The following EVA1C variants were observed in gnomAD, a reference collection of about 807,000 sequenced individuals.
EVA1C encodes eva-1 homolog C, also known as protein eva-1 homolog C.
Under a neutral mutation model 45.4 loss-of-function variants are expected in EVA1C, and 25 were observed. The ratio of observed to expected loss-of-function variants is 0.55; its 90% CI spans 0.40 to 0.77. The LOEUF (loss-of-function observed/expected upper bound fraction) is 0.77. EVA1C is among the 30% of genes least tolerant of loss of function. EVA1C has a pLI of 0.00. For synonymous variants in EVA1C, 190 were observed against 221.2 expected, an observed-to-expected ratio of 0.86 and a Z score of 1.25; for missense variants, 479 against 554.8, an observed-to-expected ratio of 0.86 and a Z score of 1.37.
At chr21:32,491,425 A>C (rs1406634161) in intron 4 of EVA1C, among the ~76,000 whole-genome samples, 1 of 151,944 alleles carries the variant, frequency 6.6e-6, no homozygotes, top group East Asian at 1.9e-4. Context: ...ACGGTGGCTC[A>C]CGCCTGTAAT....
chr21:32,424,497 T>C (rs1027833249), intron 1 of EVA1C, among the ~76,000 whole-genome samples: 3 of 152,266 alleles, frequency 2.0e-5, no homozygotes, highest in Admixed American at 6.5e-5. Flanking sequence ...AGTTCAGGCT[T>C]ACATGCCTCC....
At chr21:32,446,746 G>A (rs2035376778) in intron 1 of EVA1C, among the ~76,000 whole-genome samples, 1 of 152,144 alleles carries the variant, frequency 6.6e-6, no homozygotes, top group Non-Finnish European at 1.5e-5. Context: ...GAGACGCCTG[G>A]TCCACAGGGC....
rs568039418 is a variant in EVA1C, at chr21:32,470,271, CA to C, written c.634+2430del. Among the ~76,000 whole-genome samples, 47 of 152,190 alleles carry C rather than the reference CA, an allele frequency of 3.1e-4. 2 individuals are homozygous for C. The highest frequency in any genetic ancestry group is 9.4e-4 in the African/African-American group (39 of 41,544). ...AACTCAGGTGAGTCTCAAGAGAAAA[CA>C]AAAAAAGCCATTTGGAACACGTGCC... On this transcript the variant is annotated intron_variant, in intron 4 of 7. Transcript: ENST00000300255.
chr21:32,466,379 A>C (rs2036173908), intron 3 of EVA1C, among the ~76,000 whole-genome samples: 1 of 151,018 alleles, frequency 6.6e-6, no homozygotes, highest in African/African-American at 2.4e-5. Context: ...AGATCGTGCC[A>C]CTGCACTCCA....
chr21:32,507,613 T>G (rs1374125187), intron 7 of EVA1C, among the ~76,000 whole-genome samples: 1 of 151,898 alleles, frequency 6.6e-6, no homozygotes, highest in Non-Finnish European at 1.5e-5. Context: ...TGTGTACATG[T>G]GTGTACATGC....
intron 3 of EVA1C, among the ~76,000 whole-genome samples, chr21:32,460,396 T>C (rs900493408): frequency 6.6e-6 from 1 of 152,212 alleles, no homozygotes; most frequent in African/African-American, 2.4e-5. Flanking sequence ...TCCTATTTTT[T>C]CTTCATAGCA....
intron 4 of EVA1C, among the ~76,000 whole-genome samples, chr21:32,475,895 C>CTATA: frequency 1.8e-5 from 1 of 56,954 alleles, no homozygotes; most frequent in East Asian, 7.6e-4. Flanking sequence ...ATCTATCTAT[C>CTATA]TATCTATCTA....
chr21:32,417,151 C>T (rs978036959), intron 1 of EVA1C, among the ~76,000 whole-genome samples: 9 of 152,220 alleles, frequency 5.9e-5, no homozygotes, highest in Admixed American at 5.2e-4. Flanking sequence ...GTTCCAGTCC[C>T]TGCCATTGGT....
chr21:32,494,795 A>AAAT (rs2037288237), intron 4 of EVA1C, among the ~76,000 whole-genome samples: 1 of 151,772 alleles, frequency 6.6e-6, no homozygotes, highest in Non-Finnish European at 1.5e-5. Context: ...AAAAAAAAAA[A>AAAT]ATTCAAGATG....
intron 3 of EVA1C, among the ~76,000 whole-genome samples, chr21:32,462,221 T>TAAA (rs769281297): frequency 1.5e-4 from 16 of 106,328 alleles, no homozygotes; most frequent in African/African-American, 4.3e-4. Context: ...CCCCTATCTC[T>TAAA]AAAAAAAAAA....
Position 32,474,739 on chromosome 21 carries a change from C to T in EVA1C, c.634+6891C>T, listed in dbSNP as rs374236609. Among the ~76,000 whole-genome samples, 2 of 152,310 alleles carry T rather than the reference C, an allele frequency of 1.3e-5. No individual in the cohort carries two copies. Among genetic ancestry groups the T allele is most frequent in the East Asian group, 1.9e-4 (1 of 5,184 alleles). On this transcript the variant is annotated intron_variant, in intron 4 of 7. Coordinates refer to ENST00000300255, the MANE Select transcript of EVA1C (RefSeq NM_058187.5). The surrounding 1 kb of genome is among the most constrained non-coding windows in gnomAD (Gnocchi z 4.4). ...CCCTCTGAAGTGAGGTGCCCACACT[C>T]GGCTCCCGAGGATGGATAATCGTCT...
chr21:32,479,788 CA>C (rs966690509), intron 4 of EVA1C, among the ~76,000 whole-genome samples: 9 of 149,748 alleles, frequency 6.0e-5, no homozygotes, highest in African/African-American at 2.2e-4. Context: ...CCTATATCTA[CA>C]AAAAAAATTT....
At position 32,422,751 on chromosome 21, in the gene EVA1C, A is replaced by G. The variant is rs546998679; in HGVS notation, c.160+9738A>G. Among the ~76,000 whole-genome samples the G allele has an allele frequency of 5.3e-5, 8 of 152,170 alleles. No homozygotes were observed. The East Asian group carries it at 1.5e-3, about 29-fold the overall frequency. On this transcript the variant is annotated intron_variant, in intron 1 of 7. Transcript: ENST00000300255. The stretch of plus-strand genomic sequence containing the variant: ...TTCAAGAGTGTGTGAAGGAAAGACA[A>G]ATTTACCGCTAATGAATCTTTACTA...
At chr21:32,461,575 G>A (rs2035998493) in intron 3 of EVA1C, among the ~76,000 whole-genome samples, 1 of 152,226 alleles carries the variant, frequency 6.6e-6, no homozygotes, top group African/African-American at 2.4e-5. Flanking sequence ...GCTGCACCCT[G>A]TGGTGTGCAG....
intron 7 of EVA1C, among the ~76,000 whole-genome samples, chr21:32,505,194 T>A (rs756412266): frequency 6.6e-6 from 1 of 152,052 alleles, no homozygotes; most frequent in Non-Finnish European, 1.5e-5. Flanking sequence ...TCTCAATACA[T>A]GAGATGCAAA....
At chr21:32,503,804 G>A (rs2037635509) in intron 6 of EVA1C, 122 bp from the exon 7 acceptor site, 2 of 644,256 alleles carry the variant, frequency 3.1e-6, no homozygotes, top group East Asian at 2.8e-5. Flanking sequence ...AGGCCCATTT[G>A]TTTGATTTCT....
At chr21:32,476,423 C>A (rs541143405) in intron 4 of EVA1C, among the ~76,000 whole-genome samples, 1 of 152,122 alleles carries the variant, frequency 6.6e-6, no homozygotes, top group South Asian at 2.1e-4. Context: ...AGGTGGATCG[C>A]CTGAGGTCGG....
chr21:32,465,329 G>A (rs1325763227), intron 3 of EVA1C, among the ~76,000 whole-genome samples: 1 of 152,172 alleles, frequency 6.6e-6, no homozygotes, highest in Non-Finnish European at 1.5e-5. Context: ...AGAGGCTGGG[G>A]TGGAAGAGGT....
rs894842357 is a variant in EVA1C, at chr21:32,443,170, C to T, written c.161-10142C>T. ...GGTGCTCAGAGCTGAGAGGGCTGGC[C>T]GCGAGTGTAATTTGATTAGAGCTGG... On this transcript the variant is annotated intron_variant, in intron 1 of 7. Coordinates refer to ENST00000300255, the MANE Select transcript of EVA1C (RefSeq NM_058187.5). 5.3e-5 allele frequency among the ~76,000 whole-genome samples: 8 copies of T among 152,028 alleles called. No individual in the cohort carries two copies. In the East Asian group the frequency reaches 9.6e-4, roughly 18 times the overall value.
Sources: allele counts gnomAD v4.1 joint callset (sites outside exome capture counted in the v4.1 genomes callset), GRCh38; gene constraint gnomAD v4.1.1; non-coding constraint Gnocchi (gnomAD v3.1); transcripts MANE v1.5; gene names NCBI Gene and HGNC (gene_info 2026-07-23, HGNC 2026-07-21).